Variants in HS3ST4 observed in about 807,000 individuals in gnomAD.
HS3ST4 encodes heparan sulfate-glucosamine 3-sulfotransferase 4, also known as heparan sulfate glucosamine 3-O-sulfotransferase 4.
A neutral mutation model predicts 29.2 loss-of-function variants in HS3ST4; 17 were observed. The observed-to-expected ratio is 0.58, with a 90% CI of 0.40 to 0.87. The LOEUF (loss-of-function observed/expected upper bound fraction) is 0.87, where lower values mean the gene tolerates loss of function less well. Among genes scored for constraint, HS3ST4 ranks in the 40% least tolerant of loss-of-function variants. HS3ST4 has a pLI of 0.00. For missense variants in HS3ST4, 627 were observed against 634.5 expected (o/e 0.99, Z 0.13); for synonymous variants, 314 against 285.7 (o/e 1.10, Z -1.00).
At chr16:25,914,296 T>C (rs891705136) in intron 1 of HS3ST4, among the ~76,000 whole-genome samples, 11 of 148,178 alleles carry the variant, frequency 7.4e-5, no homozygotes, top group Non-Finnish European at 1.6e-4. Context: ...TGTGCACGTA[T>C]ATGTGTATGT....
intron 1 of HS3ST4, among the ~76,000 whole-genome samples, chr16:25,873,946 A>G (rs1367169886): frequency 1.3e-5 from 2 of 152,180 alleles, no homozygotes; most frequent in African/African-American, 4.8e-5. Flanking sequence ...ACCAACACGT[A>G]CAATAGTAGC....
chr16:25,934,347 A>C (rs951403640), intron 1 of HS3ST4, among the ~76,000 whole-genome samples: 1 of 152,208 alleles, frequency 6.6e-6, no homozygotes, highest in Non-Finnish European at 1.5e-5. Context: ...CATAGCACAG[A>C]TGCCCCAACA....
intron 1 of HS3ST4, among the ~76,000 whole-genome samples, chr16:26,120,003 A>G (rs1030616934): frequency 1.3e-5 from 2 of 151,990 alleles, no homozygotes; most frequent in Non-Finnish European, 2.9e-5. Context: ...TGAAGTTTGC[A>G]CTGAGACCTG....
chr16:26,082,284 C>T (rs934259085), intron 1 of HS3ST4, among the ~76,000 whole-genome samples: 12 of 152,204 alleles, frequency 7.9e-5, no homozygotes, highest in African/African-American at 2.9e-4. Flanking sequence ...TCCCAGGCTG[C>T]AGTTGCAACT....
At chr16:25,790,268 G>T (rs1322579968) in intron 1 of HS3ST4, among the ~76,000 whole-genome samples, 7 of 152,144 alleles carry the variant, frequency 4.6e-5, no homozygotes, top group Admixed American at 1.3e-4. Context: ...AAATTAGCTG[G>T]ATGTGATGGC....
At chr16:25,775,921 A>G (rs1483184775) in intron 1 of HS3ST4, among the ~76,000 whole-genome samples, 1 of 152,196 alleles carries the variant, frequency 6.6e-6, no homozygotes, top group African/African-American at 2.4e-5. Flanking sequence ...TGTTTTCTTG[A>G]CAGGAATGAA....
intron 1 of HS3ST4, among the ~76,000 whole-genome samples, chr16:26,107,812 T>C (rs774965170): frequency 6.6e-6 from 1 of 152,208 alleles, no homozygotes; most frequent in Non-Finnish European, 1.5e-5. Flanking sequence ...CTTAGGTTGG[T>C]GCCCTATCTT....
intron 1 of HS3ST4, among the ~76,000 whole-genome samples, chr16:26,058,251 G>C (rs774194390): frequency 7.9e-5 from 12 of 152,226 alleles, no homozygotes; most frequent in Non-Finnish European, 1.6e-4. Context: ...ACCACTGCCT[G>C]TTATTTGTGC....
intron 1 of HS3ST4, among the ~76,000 whole-genome samples, chr16:25,924,804 T>A (rs1342442843): frequency 1.3e-5 from 2 of 152,192 alleles, no homozygotes; most frequent in African/African-American, 2.4e-5. Flanking sequence ...TCTGGACTGA[T>A]GAGCAACTAA....
intron 1 of HS3ST4, among the ~76,000 whole-genome samples, chr16:25,895,096 GCCTGGAA>G (rs1968046479): frequency 6.6e-6 from 1 of 151,974 alleles, no homozygotes; most frequent in Non-Finnish European, 1.5e-5. Flanking sequence ...TCTAGGAACT[GCCTGGAA>G]CCAGGGCTGA....
chr16:25,699,200 C>T (rs1173553672), intron 1 of HS3ST4, among the ~76,000 whole-genome samples: 1 of 152,212 alleles, frequency 6.6e-6, no homozygotes, highest in African/African-American at 2.4e-5. Flanking sequence ...TGCCCATACC[C>T]TGTGTACCCT....
chr16:26,062,267 G>T (rs1898485109), intron 1 of HS3ST4, among the ~76,000 whole-genome samples: 1 of 152,180 alleles, frequency 6.6e-6, no homozygotes. Context: ...GGTTCAACTG[G>T]TGGATCCAGT....
intron 1 of HS3ST4, among the ~76,000 whole-genome samples, chr16:25,864,923 G>T (rs545655305): frequency 4.3e-5 from 6 of 140,446 alleles, no homozygotes; most frequent in African/African-American, 1.6e-4. Context: ...ACACACAATG[G>T]AATATTATAT....
intron 1 of HS3ST4, among the ~76,000 whole-genome samples, chr16:26,077,094 C>G (rs1041340668): frequency 6.6e-6 from 1 of 152,174 alleles, no homozygotes; most frequent in Non-Finnish European, 1.5e-5. Flanking sequence ...TGCAGTCCTC[C>G]CACAGTCCAT....
intron 1 of HS3ST4, among the ~76,000 whole-genome samples, chr16:25,829,871 G>A (rs1967275664): frequency 6.6e-6 from 1 of 151,970 alleles, no homozygotes; most frequent in Non-Finnish European, 1.5e-5. Context: ...TCGCCCAGGT[G>A]GGAGTGCAGT....
chr16:25,920,767 G>A (rs8053864), intron 1 of HS3ST4, among the ~76,000 whole-genome samples: 11,486 of 151,376 alleles, frequency 0.076, 875 homozygotes, highest in Admixed American at 0.2. Flanking sequence ...ATGCCTGGCT[G>A]ATTTTTGTGT....
intron 1 of HS3ST4, among the ~76,000 whole-genome samples, chr16:25,902,197 T>C (rs1291277759): frequency 6.6e-6 from 1 of 152,224 alleles, no homozygotes; most frequent in Non-Finnish European, 1.5e-5. Flanking sequence ...TTGTCACCCC[T>C]ACACTTTCTT....
intron 1 of HS3ST4, among the ~76,000 whole-genome samples, chr16:25,718,393 C>T (rs1380417502): frequency 6.6e-6 from 1 of 152,030 alleles, no homozygotes; most frequent in Non-Finnish European, 1.5e-5. Flanking sequence ...CCTTTAGAGT[C>T]TTGGAGCAGC....
chr16:26,035,431 C>G (rs894900941), intron 1 of HS3ST4, among the ~76,000 whole-genome samples: 1 of 152,214 alleles, frequency 6.6e-6, no homozygotes, highest in African/African-American at 2.4e-5. Context: ...CAAAATATCC[C>G]AAACTGAAGC....
Sources: gnomAD v4.1 joint callset for allele counts (sites outside exome capture counted in the v4.1 genomes callset) on GRCh38, gnomAD v4.1.1 for gene constraint, MANE v1.5 for transcripts, NCBI Gene and HGNC (gene_info 2026-07-23, HGNC 2026-07-21) for gene names.